Variants in ASPM observed in about 807,000 individuals in gnomAD.
ASPM encodes assembly factor for spindle microtubules.
In ASPM, 256 loss-of-function variants were observed where a neutral mutation model predicts 366.4. The ratio of observed to expected loss-of-function variants is 0.70; its 90% CI spans 0.63 to 0.77. The LOEUF is 0.77. Among genes scored for constraint, ASPM ranks in the 30% least tolerant of loss-of-function variants. ASPM has a pLI of 0.00. For synonymous variants in ASPM, 1,414 were observed against 1,342.9 expected, an observed-to-expected ratio of 1.05 and a Z score of -1.16; for missense variants, 4,146 against 4,090.4, an observed-to-expected ratio of 1.01 and a Z score of -0.37.
At chr1:197,100,303 G>T in intron 18 of ASPM, 128 bp downstream of exon 18, 1 of 675,100 alleles carries the variant, frequency 1.5e-6, no homozygotes, top group Non-Finnish European at 2.4e-6. Context: ...TTCCACTTTG[G>T]AAGATAAATG....
At chr1:197,132,427 G>C in intron 6 of ASPM, 75 bp from the exon 7 acceptor site, 3 of 1,245,688 alleles carry the variant, frequency 2.4e-6, no homozygotes, top group Non-Finnish European at 3.5e-6. Context: ...TTCAAGGAGA[G>C]TATATCAGTG....
intron 10 of ASPM, among the ~76,000 whole-genome samples, chr1:197,126,933 A>G (rs576225152): frequency 1.3e-5 from 2 of 152,286 alleles, no homozygotes; most frequent in East Asian, 3.9e-4. Flanking sequence ...ACGTCTGAAT[A>G]TTGGCAAGTT....
At chr1:197,115,368 C>T (rs1428580377) in intron 17 of ASPM, among the ~76,000 whole-genome samples, 1 of 152,168 alleles carries the variant, frequency 6.6e-6, no homozygotes, top group South Asian at 2.1e-4. Context: ...TTTAACCCAT[C>T]GAAGTCATCC....
intron 27 of ASPM, among the ~76,000 whole-genome samples, chr1:197,084,887 C>G (rs143628612): frequency 6.6e-6 from 1 of 152,108 alleles, no homozygotes; most frequent in Non-Finnish European, 1.5e-5. Flanking sequence ...AGAAAGTGTG[C>G]GACCACTGAA....
rs1202976470 is a variant in ASPM at position 197,103,004 on chromosome 1, T to C, written c.6247A>G (p.Thr2083Ala). 6.2e-7 allele frequency: 1 copy of C among 1,612,388 alleles called. No homozygotes were observed. The highest frequency in any genetic ancestry group is 8.5e-7 in the Non-Finnish European group (1 of 1,179,108). Residue 2083 changes from threonine to alanine, a missense_variant, in exon 18 of 28, where the codon ACA (threonine) becomes GCA (alanine). This residue lies in a region of ASPM where 3,624 missense variants were observed against 3,591.7 expected (regional missense o/e 1.01). Transcript: ENST00000367409. ...IQRWYRGIKI[T>A]NHQHKEYLNL... ...AGATACTCCTTATGCTGATGGTTTG[T>C]AATTTTAATACCTCGATACCATCTC...
chr1:197,110,605 T>C (rs1268522165), intron 17 of ASPM, among the ~76,000 whole-genome samples: 2 of 151,824 alleles, frequency 1.3e-5, no homozygotes, highest in African/African-American at 2.4e-5. Flanking sequence ...TTGGGAGAAA[T>C]TGTGTGAAAT....
chr1:197,090,971 T>C lies in ASPM; in HGVS notation c.9515A>G (p.His3172Arg). Residue 3172 changes from histidine (H) to arginine (R), a missense_variant, in exon 23 of 28, where the codon CAT (histidine) becomes CGT (arginine). Coordinates refer to ENST00000367409, the MANE Select transcript of ASPM (RefSeq NM_018136.5). Reference protein sequence around the residue: ...QKYHSIKKIEHEGQECLSQRN... With the variant: ...QKYHSIKKIEREGQECLSQRN... ...CTGGCTCAGACATTCTTGACCTTCA[T>C]GCTCAATCTTTTTGATGCTATGATA... is the stretch of plus-strand genomic sequence containing the variant. The C allele has an allele frequency of 1.2e-6, 2 of 1,612,932 alleles. No homozygotes were observed. Among genetic ancestry groups the C allele is most frequent in the Non-Finnish European group, 8.5e-7 (1 of 1,179,182 alleles).
chr1:197,093,156 G>T lies in ASPM; in HGVS notation c.9190C>A (p.Arg3064=). The change falls in exon 21 of 28, where the codon CGA becomes AGA. Residue 3064 remains arginine, a synonymous_variant. Transcript: ENST00000367409. ...TCATGCTTTCCAGCCTCCCTGGCTC[G>T]TATATATTTTTGTATGATCAAAGCA... ...SAALIIQKYI[R]AREAGKHERI... is the part of the protein sequence containing the mutation. 6.2e-7 allele frequency: 1 copy of T among 1,612,066 alleles called. No individual in the cohort carries two copies. Among genetic ancestry groups the T allele is most frequent in the Non-Finnish European group, 8.5e-7 (1 of 1,178,638 alleles).
chr1:197,113,449 T>C (rs1434272708), intron 17 of ASPM, among the ~76,000 whole-genome samples: 2 of 152,172 alleles, frequency 1.3e-5, no homozygotes, highest in Non-Finnish European at 2.9e-5. Context: ...CAGTAAAACA[T>C]GCTGAAACAA....
In ASPM at chr1:197,084,552, A is replaced by G. The variant is rs188079862; in HGVS notation, c.10332-126T>C. ...CATCATTTCCCTTACAAACTGCTCA[A>G]AGAGGTGGGAGAACTTCATATTATT... On this transcript the variant is annotated intron_variant, in intron 27 of 27. Transcript: ENST00000367409. 9.1e-5 allele frequency: 62 copies of G among 684,214 alleles called. 1 individual carries two copies. The Admixed American group carries it at 1.5e-3, about 16-fold the overall frequency. 42.4% of individuals were successfully genotyped at this position (684,214 alleles called of 1,614,324 possible). A position where few individuals can be genotyped will look rare whatever the true frequency, so the allele number is the denominator to read the frequency against.
In ASPM at chr1:197,101,103, C is replaced by T. The variant is rs1438035016; in HGVS notation, c.8148G>A (p.Val2716=). ...ACAACCTATAATAATTCTGTATAAC[C>T]ACAATTGCAGTTTTCTTTGTTTCAT... The part of the protein sequence containing the change: ...VDYETKKTAI[V]VIQNYYRLYV... Residue 2716 remains valine, a synonymous_variant, in exon 18 of 28, where the codon GTG becomes GTA. Coordinates refer to ENST00000367409, the MANE Select transcript of ASPM (RefSeq NM_018136.5). 3 of 1,611,792 alleles carry T rather than the reference C, an allele frequency of 1.9e-6. No homozygotes were observed. The African/African-American group carries it at 4.0e-5, about 22-fold the overall frequency.
At chr1:197,110,369 A>T (rs1657544899) in intron 17 of ASPM, among the ~76,000 whole-genome samples, 1 of 152,066 alleles carries the variant, frequency 6.6e-6, no homozygotes, top group South Asian at 2.1e-4. Context: ...ATGTATATAT[A>T]AAAAAAGTGA....
chr1:197,133,292 A>G, intron 6 of ASPM, 58 bp downstream of exon 6: 1 of 1,554,814 alleles, frequency 6.4e-7, no homozygotes, highest in Non-Finnish European at 8.7e-7. Context: ...GGAAAAAAAC[A>G]CAAAATCTCT....
rs1658216150 is a variant in ASPM at position 197,130,127 on chromosome 1, G to A, written c.2488-71C>T. 3.3e-6 allele frequency: 5 copies of A among 1,500,548 alleles called. 1 individual carries two copies. In the East Asian group the frequency reaches 6.8e-5, roughly 20 times the overall value. 93.0% of individuals were successfully genotyped at this position (1,500,548 alleles called of 1,614,324 possible). A position where few individuals can be genotyped will look rare whatever the true frequency, so the allele number is the denominator to read the frequency against. ...AAACAAAGGGAAGTGACTGAGGAAT[G>A]GCAGACCATAACCTAAGGAACTGGC... is the stretch of plus-strand genomic sequence containing the variant. On this transcript the variant is annotated intron_variant, in intron 7 of 27. Transcript: ENST00000367409.
At chr1:197,094,041 C>T in intron 20 of ASPM, 43 bp downstream of exon 20, 1 of 1,159,130 alleles carries the variant, frequency 8.6e-7, no homozygotes. Flanking sequence ...TTTTCTATTT[C>T]CTAAAGTAGT....
rs759544893 is a variant in ASPM, at chr1:197,105,071, G to A, written c.4180C>T (p.Leu1394Phe). The A allele has an allele frequency of 6.2e-7, 1 of 1,609,950 alleles. No homozygotes were observed. The highest frequency in any genetic ancestry group is 8.5e-7 in the Non-Finnish European group (1 of 1,177,380). ...IIAVTSYKRY[L>F]WATVTIQRHW... ...CTCTGAATTGTAACTGTAGCCCAAA[G>A]ATATCGTTTATAAGATGTAACAGCA... is the stretch of plus-strand genomic sequence containing the variant. The change falls in exon 18 of 28, where the codon CTT becomes TTT. Residue 1394 changes from leucine (L) to phenylalanine (F), a missense_variant. Transcript: ENST00000367409.
At chr1:197,097,978 G>A (rs1315033354) in intron 18 of ASPM, among the ~76,000 whole-genome samples, 3 of 147,320 alleles carry the variant, frequency 2.0e-5, no homozygotes, top group African/African-American at 4.9e-5. Context: ...ATAGATATAC[G>A]TGTGTGTATA....
intron 25 of ASPM, among the ~76,000 whole-genome samples, chr1:197,089,066 C>T (rs1208609995): frequency 1.3e-5 from 2 of 151,944 alleles, no homozygotes; most frequent in African/African-American, 2.4e-5. Flanking sequence ...TGTGTATTAA[C>T]TCAATGTGTA....
rs541866797 is a variant in ASPM, at chr1:197,139,973, C to T, written c.1922-102G>A. On this transcript the variant is annotated intron_variant, in intron 3 of 27. Transcript: ENST00000367409. ...AGTTTGGGTTCTTCACAATCATATTCATTTAGCAAACACTTAATAACCACT... is the reference window on the plus strand; with the variant it reads ...AGTTTGGGTTCTTCACAATCATATTTATTTAGCAAACACTTAATAACCACT... The T allele has an allele frequency of 2.0e-5, 16 of 792,106 alleles. No homozygotes were observed. The East Asian group carries it at 4.4e-4, about 22-fold the overall frequency. The allele number at this position is 792,106 out of a possible 1,614,324, so 49.1% of individuals were successfully genotyped here.
Sources: gnomAD v4.1 joint callset for allele counts (sites outside exome capture counted in the v4.1 genomes callset) on GRCh38, gnomAD v4.1.1 for gene constraint, gnomAD v4.1.1 regional missense constraint, MANE v1.5 for transcripts, NCBI Gene and HGNC (gene_info 2026-07-23, HGNC 2026-07-21) for gene names.